Variants in DNAH11 observed in about 807,000 individuals in gnomAD.
The protein encoded by DNAH11 is axonemal beta dynein heavy chain 11.
A neutral mutation model predicts 526.0 loss-of-function variants in DNAH11; 442 were observed. The observed-to-expected ratio is 0.84, with a 90% confidence interval of 0.78 to 0.91. The LOEUF (loss-of-function observed/expected upper bound fraction) is 0.91. Among genes scored for constraint, DNAH11 ranks in the 40% least tolerant of loss-of-function variants. The pLI, the probability that DNAH11 is intolerant of heterozygous loss-of-function variation, is 0.00. For synonymous variants in DNAH11, 2,461 were observed against 1,935.9 expected (o/e 1.27, Z -7.12); for missense variants, 6,989 against 5,448.7 (o/e 1.28, Z -8.90).
chr7:21,581,036 GAA>G (rs1307971222), intron 8 of DNAH11, among the ~76,000 whole-genome samples: 1 of 152,172 alleles, frequency 6.6e-6, no homozygotes, highest in Non-Finnish European at 1.5e-5. Flanking sequence ...TTAATCATGT[GAA>G]ATATTTAGAA....
chr7:21,562,997 C>T (rs1562662898), intron 5 of DNAH11, among the ~76,000 whole-genome samples: 1 of 151,942 alleles, frequency 6.6e-6, no homozygotes, highest in Non-Finnish European at 1.5e-5. Context: ...TGACTTTGTT[C>T]CCTACTTTCA....
intron 44 of DNAH11, among the ~76,000 whole-genome samples, chr7:21,724,803 G>GTAGGAGT (rs1785028388): frequency 6.5e-4 from 86 of 132,224 alleles, no homozygotes; most frequent in East Asian, 1.2e-3. Context: ...TCCTGTGGAT[G>GTAGGAGT]CATAGAGGTA....
chr7:21,601,823 C>T lies in DNAH11; in HGVS notation c.3648+205C>T, dbSNP rs566802592. 5.3e-5 allele frequency among the ~76,000 whole-genome samples: 8 copies of T among 152,216 alleles called. No individual in the cohort carries two copies. The South Asian group carries it at 1.0e-3, about 20-fold the overall frequency. On this transcript the variant is annotated intron_variant, in intron 18 of 81. Coordinates refer to ENST00000409508, the MANE Select transcript of DNAH11 (RefSeq NM_001277115.2). ...ATGCAAATAGTAAAGCCAGCCAACA[C>T]TCTCGGTGTGTTTTATGACAAAATA...
At chr7:21,886,118 C>T (rs907388663) in intron 76 of DNAH11, among the ~76,000 whole-genome samples, 1 of 152,118 alleles carries the variant, frequency 6.6e-6, no homozygotes, top group Non-Finnish European at 1.5e-5. Context: ...TAAAGCAATG[C>T]TTTGAATAGT....
At chr7:21,557,908 C>G (rs1481753486) in intron 2 of DNAH11, among the ~76,000 whole-genome samples, 1 of 152,182 alleles carries the variant, frequency 6.6e-6, no homozygotes, top group African/African-American at 2.4e-5. Flanking sequence ...CTCTGTATTA[C>G]TAGCTTGACA....
intron 35 of DNAH11, among the ~76,000 whole-genome samples, chr7:21,697,215 G>C (rs552180670): frequency 1.3e-5 from 2 of 152,230 alleles, no homozygotes; most frequent in South Asian, 4.1e-4. Flanking sequence ...CTTGACTTCA[G>C]TTGAGTGGAA....
chr7:21,803,353 C>T (rs1451207841), intron 62 of DNAH11, among the ~76,000 whole-genome samples: 1 of 152,122 alleles, frequency 6.6e-6, no homozygotes, highest in Non-Finnish European at 1.5e-5. Context: ...TCTTTGTTGC[C>T]CTCTGCCTCT....
At chr7:21,751,131 C>A (rs1195172242) in intron 54 of DNAH11, among the ~76,000 whole-genome samples, 1 of 152,118 alleles carries the variant, frequency 6.6e-6, no homozygotes, top group Non-Finnish European at 1.5e-5. Context: ...CAAGACCAAC[C>A]TGGCCAACAT....
intron 79 of DNAH11, among the ~76,000 whole-genome samples, chr7:21,898,214 T>C (rs1293136800): frequency 6.6e-6 from 1 of 152,228 alleles, no homozygotes; most frequent in Non-Finnish European, 1.5e-5. Context: ...TTTGCTTTTC[T>C]CATTCGCCTT....
Position 21,690,894 on chromosome 7 carries a change from C to G in DNAH11, c.6041+13C>G. 6.3e-7 allele frequency: 1 copy of G among 1,594,024 alleles called. No individual in the cohort carries two copies. Among genetic ancestry groups the G allele is most frequent in the South Asian group, 1.1e-5 (1 of 89,318 alleles). Reference sequence around the variant, plus strand: ...AAGCTCTTTTCAGGCAAGTGTTATGCTTTGTGGCTTAGCATCTGGTGCACT... The same window carrying G: ...AAGCTCTTTTCAGGCAAGTGTTATGGTTTGTGGCTTAGCATCTGGTGCACT... On this transcript the variant is annotated intron_variant, in intron 35 of 81. Transcript: ENST00000409508.
At chr7:21,866,968 T>C (rs1783305902) in intron 71 of DNAH11, among the ~76,000 whole-genome samples, 1 of 152,232 alleles carries the variant, frequency 6.6e-6, no homozygotes, top group Non-Finnish European at 1.5e-5. Context: ...GCCAGGAACA[T>C]GCATTCATGC....
rs1376716123 is a variant in DNAH11, at chr7:21,600,990, T to C, written c.3256-20T>C. 3 of 1,610,304 alleles carry C rather than the reference T, an allele frequency of 1.9e-6. No homozygotes were observed. The South Asian group carries it at 3.3e-5, about 18-fold the overall frequency. On this transcript the variant is annotated intron_variant, in intron 16 of 81. Coordinates refer to ENST00000409508, the MANE Select transcript of DNAH11 (RefSeq NM_001277115.2). ...TGGCTTTTCACTGAGTTGTTCTAAT[T>C]AATCTTTTTCTCACTACAGATTGAC...
At chr7:21,729,981 A>C (rs1461032712) in intron 45 of DNAH11, among the ~76,000 whole-genome samples, 2 of 152,226 alleles carry the variant, frequency 1.3e-5, no homozygotes, top group African/African-American at 4.8e-5. Flanking sequence ...GAAAGATAAC[A>C]AGTGTTGTCA....
intron 43 of DNAH11, among the ~76,000 whole-genome samples, chr7:21,718,857 G>A (rs1700141922): frequency 6.6e-6 from 1 of 152,156 alleles, no homozygotes; most frequent in South Asian, 2.1e-4. Flanking sequence ...GAAAGTTCAG[G>A]TTTTTGGATA....
intron 76 of DNAH11, among the ~76,000 whole-genome samples, chr7:21,887,461 G>A (rs906377271): frequency 6.6e-6 from 1 of 152,132 alleles, no homozygotes; most frequent in African/African-American, 2.4e-5. Context: ...ACAAGAATCT[G>A]GGGTTTGAAG....
chr7:21,749,898 G>A lies in DNAH11; in HGVS notation c.8797+97G>A. 3 of 1,560,234 alleles carry A rather than the reference G, an allele frequency of 1.9e-6. 1 individual carries two copies. The highest frequency in any genetic ancestry group is 2.4e-5 in the South Asian group (2 of 81,774). On this transcript the variant is annotated intron_variant, in intron 53 of 81. Coordinates refer to ENST00000409508, the MANE Select transcript of DNAH11 (RefSeq NM_001277115.2). ...AAGAGAGAGAATTCGTCTTTGAGAT[G>A]TTTGCTGGGCAGTCTTTGGGGAGAA...
chr7:21,783,166 G>T (rs772463863), intron 57 of DNAH11, among the ~76,000 whole-genome samples: 2 of 151,990 alleles, frequency 1.3e-5, no homozygotes, highest in Non-Finnish European at 2.9e-5. Context: ...AATTTTCATG[G>T]TCCATTCCTG....
intron 76 of DNAH11, among the ~76,000 whole-genome samples, chr7:21,885,027 C>T (rs934762253): frequency 6.6e-6 from 1 of 151,652 alleles, no homozygotes; most frequent in Non-Finnish European, 1.5e-5. Context: ...ATCAAAACAT[C>T]ACACTGTGCC....
At chr7:21,561,756 C>G (rs959287466) in intron 5 of DNAH11, among the ~76,000 whole-genome samples, 1 of 152,156 alleles carries the variant, frequency 6.6e-6, no homozygotes, top group Non-Finnish European at 1.5e-5. Context: ...AAGATGACAA[C>G]CCTGCTCAGT....
Sources: gnomAD v4.1 joint callset for allele counts (sites outside exome capture counted in the v4.1 genomes callset) on GRCh38, gnomAD v4.1.1 for gene constraint, MANE v1.5 for transcripts, NCBI Gene and HGNC (gene_info 2026-07-23, HGNC 2026-07-21) for gene names.